Variants in SH3GL3 observed in about 807,000 individuals in gnomAD.
SH3GL3 encodes SH3 domain containing GRB2 like 3, endophilin A3, also known as endophilin-A3.
In SH3GL3, 33 loss-of-function variants were observed where a neutral mutation model predicts 47.7. The observed-to-expected ratio is 0.69, with a 90% CI of 0.52 to 0.92. SH3GL3 has a LOEUF of 0.92. SH3GL3 is among the 40% of genes least tolerant of loss of function. SH3GL3 has a pLI of 0.00. For synonymous variants in SH3GL3, 155 were observed against 148.8 expected, an observed-to-expected ratio of 1.04 and a Z score of -0.30; for missense variants, 363 against 417.8, an observed-to-expected ratio of 0.87 and a Z score of 1.14.
At chr15:83,507,210 G>T (rs572468428) in intron 1 of SH3GL3, among the ~76,000 whole-genome samples, 2 of 151,714 alleles carry the variant, frequency 1.3e-5, no homozygotes, top group Non-Finnish European at 2.9e-5. Context: ...GGGTTTCACC[G>T]TGTTAACCAG....
At chr15:83,510,091 CTTT>C (rs35224712) in intron 1 of SH3GL3, among the ~76,000 whole-genome samples, 1 of 148,236 alleles carries the variant, frequency 6.7e-6, no homozygotes. Flanking sequence ...CTTAAGGATT[CTTT>C]TTTTTTTTTG....
intron 2 of SH3GL3, among the ~76,000 whole-genome samples, chr15:83,562,030 A>AACACACACAC (rs55856428): frequency 0.014 from 1,875 of 132,966 alleles, 29 homozygotes; most frequent in Admixed American, 0.027. Flanking sequence ...ACACACACAC[A>AACACACACAC]ACACACACAC....
At chr15:83,491,224 C>T (rs189508065) in intron 1 of SH3GL3, among the ~76,000 whole-genome samples, 1 of 152,214 alleles carries the variant, frequency 6.6e-6, no homozygotes, top group East Asian at 1.9e-4. Flanking sequence ...AGTGCGGACT[C>T]CATTCTGCAA....
chr15:83,592,412 A>G (rs1428184819), intron 8 of SH3GL3, among the ~76,000 whole-genome samples: 1 of 152,160 alleles, frequency 6.6e-6, no homozygotes, highest in South Asian at 2.1e-4. Flanking sequence ...AGCAGGCTGC[A>G]TGACTTTTCT....
Position 83,448,442 on chromosome 15 carries a change from ATGTGTGTGTGTGTGTG to A in SH3GL3, c.45+888_45+903del, listed in dbSNP as rs71156081. 5.0e-5 allele frequency among the ~76,000 whole-genome samples: 7 copies of A among 140,642 alleles called. No individual in the cohort carries two copies. Among genetic ancestry groups the A allele is most frequent in the South Asian group, 2.3e-4 (1 of 4,304 alleles). 92.3% of individuals were successfully genotyped at this position (140,642 alleles called of 152,430 possible). A position where few individuals can be genotyped will look rare whatever the true frequency, so the allele number is the denominator to read the frequency against. Reference sequence around the variant, plus strand: ...AAACAGGAGGGGAGACATGAAATTGATGTGTGTGTGTGTGTGTGTGTGTGTGTGTGTGTGTGTGTTG... The same window carrying A: ...AAACAGGAGGGGAGACATGAAATTGATGTGTGTGTGTGTGTGTGTGTGTTG... On this transcript the variant is annotated intron_variant, in intron 1 of 8. Coordinates refer to ENST00000427482, the MANE Select transcript of SH3GL3 (RefSeq NM_003027.5). This position sits in a 1 kb window ranked among gnomAD's most constrained non-coding sequence, Gnocchi z 4.2.
rs191035981 is a variant in SH3GL3 at position 83,609,528 on chromosome 15, T to C, written c.839-8554T>C. 2.1e-3 allele frequency: 695 copies of C among 329,044 alleles called. 6 individuals carry two copies. The highest frequency in any genetic ancestry group is 0.017 in the Admixed American group (446 of 25,990). 20.4% of individuals were successfully genotyped at this position (329,044 alleles called of 1,614,324 possible). A position where few individuals can be genotyped will look rare whatever the true frequency, so the allele number is the denominator to read the frequency against. ...CAACAGGGACTTATGTTGACAGCGT[T>C]GTATGAATTACTTCTCTCTCCATCC... On this transcript the variant is annotated intron_variant, in intron 8 of 8. Transcript: ENST00000427482.
At chr15:83,573,456 T>C (rs2151772601) in intron 5 of SH3GL3, among the ~76,000 whole-genome samples, 1 of 152,318 alleles carries the variant, frequency 6.6e-6, no homozygotes, top group African/African-American at 2.4e-5. Flanking sequence ...TTGGGCCCCA[T>C]CCCTTATCTC....
intron 1 of SH3GL3, among the ~76,000 whole-genome samples, chr15:83,482,808 T>C (rs1050556591): frequency 6.6e-6 from 1 of 152,154 alleles, no homozygotes; most frequent in African/African-American, 2.4e-5. Context: ...TCTTAAGTTT[T>C]GAGAGAATTT....
At chr15:83,614,689 G>A (rs1363647507) in intron 8 of SH3GL3, among the ~76,000 whole-genome samples, 1 of 152,166 alleles carries the variant, frequency 6.6e-6, no homozygotes, top group African/African-American at 2.4e-5. Context: ...GAAGGCAACA[G>A]GAAGCCACCT....
Position 83,448,261 on chromosome 15 carries a change from C to G in SH3GL3, c.45+683C>G, listed in dbSNP as rs2039545886. ...CGTAAACAAACAGTGCTAGACACAC[C>G]TCCACGCACAGAGGATGACAAATAA... On this transcript the variant is annotated intron_variant, in intron 1 of 8. Transcript: ENST00000427482. This position sits in a 1 kb window ranked among gnomAD's most constrained non-coding sequence, Gnocchi z 4.2. Among the ~76,000 whole-genome samples, 1 of 152,158 alleles carries G rather than the reference C, an allele frequency of 6.6e-6. No homozygotes were observed. The highest frequency in any genetic ancestry group is 2.1e-4 in the South Asian group (1 of 4,832).
At chr15:83,614,762 T>C (rs946881858) in intron 8 of SH3GL3, among the ~76,000 whole-genome samples, 3 of 152,280 alleles carry the variant, frequency 2.0e-5, no homozygotes, top group East Asian at 3.9e-4. Flanking sequence ...CTTAGAGATA[T>C]AGGCGCTACT....
rs58188472 is a variant in SH3GL3 at position 83,487,878 on chromosome 15, C to CTTT, written c.45+40311_45+40313dup. ...TTTAATTTTCTTTTCTTTTTCTTTT[C>CTTT]TTTTTTTTTTTTTCCTGAGACGGAG... On this transcript the variant is annotated intron_variant, in intron 1 of 8. Coordinates refer to ENST00000427482, the MANE Select transcript of SH3GL3 (RefSeq NM_003027.5). Among the ~76,000 whole-genome samples, 630 of 137,626 alleles carry CTTT rather than the reference C, an allele frequency of 4.6e-3. 3 individuals are homozygous for CTTT. Among genetic ancestry groups the CTTT allele is most frequent in the Non-Finnish European group, 6.0e-3 (385 of 63,870 alleles). The allele number at this position is 137,626 out of a possible 152,430, so 90.3% of individuals were successfully genotyped here.
At chr15:83,548,470 GT>G (rs1360992833) in intron 1 of SH3GL3, among the ~76,000 whole-genome samples, 1 of 151,522 alleles carries the variant, frequency 6.6e-6, no homozygotes, top group Non-Finnish European at 1.5e-5. Flanking sequence ...TCCCTTTAGT[GT>G]TTCTTTTGGT....
At chr15:83,568,907 T>TC (rs1298841400) in intron 4 of SH3GL3, among the ~76,000 whole-genome samples, 1 of 151,010 alleles carries the variant, frequency 6.6e-6, no homozygotes, top group East Asian at 1.9e-4. Context: ...TGTATCTTTT[T>TC]TTTTTTTTTT....
chr15:83,585,946 A>G (rs569111862), intron 6 of SH3GL3, among the ~76,000 whole-genome samples: 150 of 152,354 alleles, frequency 9.8e-4, no homozygotes, highest in South Asian at 8.3e-4. Context: ...GGCTAAGTCC[A>G]TGGTTGGTTA....
At chr15:83,627,055 C>T in the SH3GL3 span, among the ~76,000 whole-genome samples, 1 of 152,104 alleles carries the variant, frequency 6.6e-6, no homozygotes, top group Non-Finnish European at 1.5e-5. Context: ...CCTGAAGATG[C>T]AGATTATAGC....
intron 1 of SH3GL3, among the ~76,000 whole-genome samples, chr15:83,505,610 C>T (rs900206398): frequency 2.0e-5 from 3 of 149,862 alleles, no homozygotes; most frequent in African/African-American, 4.9e-5. Flanking sequence ...TCACTGCAAC[C>T]TCTACCTCCT....
At chr15:83,542,915 G>C (rs1166810726) in intron 1 of SH3GL3, among the ~76,000 whole-genome samples, 1 of 152,074 alleles carries the variant, frequency 6.6e-6, no homozygotes, top group Non-Finnish European at 1.5e-5. Context: ...TGCAAACAAG[G>C]ATAATTTGAC....
intron 6 of SH3GL3, among the ~76,000 whole-genome samples, chr15:83,585,100 G>A (rs560186829): frequency 7.1e-4 from 108 of 152,304 alleles, no homozygotes; most frequent in Admixed American, 1.4e-3. Flanking sequence ...ATAATCTATC[G>A]TAGCACACCT....
Sources: gnomAD v4.1 joint callset for allele counts (sites outside exome capture counted in the v4.1 genomes callset) on GRCh38, gnomAD v4.1.1 for gene constraint, Gnocchi (gnomAD v3.1) non-coding constraint, MANE v1.5 for transcripts, NCBI Gene and HGNC (gene_info 2026-07-23, HGNC 2026-07-21) for gene names.